Variants in TDRD3 observed in about 807,000 individuals in gnomAD.
The protein encoded by TDRD3 is tudor domain-containing protein 3.
TDRD3 carries 45 observed loss-of-function variants against 86.7 expected under a neutral mutation model. The observed-to-expected ratio is 0.52, with a 90% CI of 0.41 to 0.67. TDRD3 has a LOEUF of 0.67. Ranked by LOEUF, TDRD3 falls within the 30% of genes least tolerant of loss-of-function variation. TDRD3 has a pLI of 0.00. For synonymous variants in TDRD3, 298 were observed against 301.7 expected (o/e 0.99, Z 0.13); for missense variants, 814 against 889.0 (o/e 0.92, Z 1.07).
intron 2 of TDRD3, among the ~76,000 whole-genome samples, chr13:60,441,885 T>G (rs1260685835): frequency 6.6e-6 from 1 of 152,158 alleles, no homozygotes; most frequent in Non-Finnish European, 1.5e-5. Flanking sequence ...CCCGCAAAGG[T>G]ACCAGAATTT....
chr13:60,485,023 T>C (rs1956398186), intron 6 of TDRD3, among the ~76,000 whole-genome samples: 1 of 152,096 alleles, frequency 6.6e-6, no homozygotes, highest in Non-Finnish European at 1.5e-5. Flanking sequence ...AAAAAATTCT[T>C]GTATAGCATC....
intron 8 of TDRD3, among the ~76,000 whole-genome samples, chr13:60,508,382 C>T (rs1169527035): frequency 6.6e-6 from 1 of 152,152 alleles, no homozygotes; most frequent in Non-Finnish European, 1.5e-5. Context: ...TAAAAGGCTA[C>T]AGTAACCCAA....
Position 60,418,825 on chromosome 13 carries a change from C to G in TDRD3, c.42-20863C>G, listed in dbSNP as rs181024283. ...AATTGGATATTATAAAAATGGAAAC[C>G]TTATTTCTTCTGACATCTTAGAAGT... On this transcript the variant is annotated intron_variant, in intron 1 of 13. Coordinates refer to ENST00000377881, the MANE Select transcript of TDRD3 (RefSeq NM_001146070.2). Among the ~76,000 whole-genome samples the G allele has an allele frequency of 1.7e-3, 259 of 152,202 alleles. 1 individual carries two copies. Among genetic ancestry groups the G allele is most frequent in the Admixed American group, 3.1e-3 (48 of 15,294 alleles).
rs1311041500 is a variant in TDRD3 at position 60,485,890 on chromosome 13, A to G, written c.659A>G (p.Asn220Ser). 1 of 1,611,420 alleles carries G rather than the reference A, an allele frequency of 6.2e-7. No individual in the cohort carries two copies. ...VTMPVKPTNDNDEFEKQRTAA... is the reference protein window; with the variant it reads ...VTMPVKPTNDSDEFEKQRTAA... The stretch of plus-strand genomic sequence containing the variant: ...ATGCCTGTCAAACCTACAAATGATA[A>G]TGATGAATTTGAAAAGCAAAGGACG... Residue 220 changes from asparagine to serine, a missense_variant, in exon 7 of 14, where the codon AAT becomes AGT. Coordinates refer to ENST00000377881, the MANE Select transcript of TDRD3 (RefSeq NM_001146070.2).
chr13:60,425,797 A>G (rs548875990), intron 1 of TDRD3, among the ~76,000 whole-genome samples: 1 of 152,238 alleles, frequency 6.6e-6, no homozygotes, highest in Non-Finnish European at 1.5e-5. Context: ...CATGAAGACA[A>G]TGAGGATGAA....
At chr13:60,400,682 G>A (rs997113377) in intron 1 of TDRD3, among the ~76,000 whole-genome samples, 1 of 151,508 alleles carries the variant, frequency 6.6e-6, no homozygotes, top group Non-Finnish European at 1.5e-5. Flanking sequence ...AGGTTGCAGT[G>A]AGTCGAGATT....
intron 7 of TDRD3, among the ~76,000 whole-genome samples, chr13:60,487,462 G>C (rs1368198340): frequency 1.3e-5 from 2 of 152,008 alleles, no homozygotes; most frequent in Non-Finnish European, 2.9e-5. Context: ...GGCAATAAGA[G>C]TGAAACTCCA....
At chr13:60,536,016 G>T (rs750339291) in intron 12 of TDRD3, 1 of 151,982 alleles carries the variant, frequency 6.6e-6, no homozygotes, top group Non-Finnish European at 1.5e-5. Context: ...AAATATGTTG[G>T]TATTTTCCTA....
intron 3 of TDRD3, among the ~76,000 whole-genome samples, chr13:60,448,969 A>G (rs1017092173): frequency 2.0e-5 from 3 of 152,030 alleles, no homozygotes; most frequent in African/African-American, 7.2e-5. Flanking sequence ...TTCTGTGTTT[A>G]TTTTTTCTAA....
Position 60,397,422 on chromosome 13 carries a change from G to T in TDRD3, c.41+17G>T. 6.7e-7 allele frequency: 1 copy of T among 1,481,816 alleles called. No homozygotes were observed. Among genetic ancestry groups the T allele is most frequent in the East Asian group, 2.8e-5 (1 of 36,278 alleles). The allele number at this position is 1,481,816 out of a possible 1,614,324, so 91.8% of individuals were successfully genotyped here. ...GGCGGGTTGGTAAGTGGCGAGTCCC[G>T]CCGGCTGCCGGGCCGCGGGTGCGGG... is the stretch of plus-strand genomic sequence containing the variant. On this transcript the variant is annotated intron_variant, in intron 1 of 13. Transcript: ENST00000377881.
At chr13:60,530,448 T>A (rs887652620) in intron 11 of TDRD3, among the ~76,000 whole-genome samples, 3 of 109,592 alleles carry the variant, frequency 2.7e-5, no homozygotes, top group Admixed American at 9.2e-5. Context: ...TTTTAAATAA[T>A]TTTTTTTTTG....
chr13:60,486,314 T>A (rs887344697), intron 7 of TDRD3, among the ~76,000 whole-genome samples: 18 of 152,188 alleles, frequency 1.2e-4, no homozygotes, highest in African/African-American at 3.4e-4. Flanking sequence ...TTCCCCTTAT[T>A]AATAGCAACT....
chr13:60,546,379 T>C (rs1225682989), intron 12 of TDRD3, among the ~76,000 whole-genome samples: 1 of 152,110 alleles, frequency 6.6e-6, no homozygotes, highest in Non-Finnish European at 1.5e-5. Flanking sequence ...AGATGGGAAA[T>C]TAAAATATGT....
intron 4 of TDRD3, chr13:60,460,792 G>A (rs1955785912): frequency 4.0e-6 from 1 of 246,940 alleles, no homozygotes; most frequent in South Asian, 7.3e-5. Context: ...ATCACCCAAG[G>A]TCAGGAGTTC....
At chr13:60,427,323 A>G (rs184611887) in intron 1 of TDRD3, among the ~76,000 whole-genome samples, 346 of 151,812 alleles carry the variant, frequency 2.3e-3, no homozygotes, top group Middle Eastern at 0.017. Flanking sequence ...TTTGTAGTGC[A>G]TATTAATAGT....
intron 1 of TDRD3, among the ~76,000 whole-genome samples, chr13:60,437,075 G>C (rs879426651): frequency 7.0e-6 from 1 of 142,336 alleles, no homozygotes; most frequent in Non-Finnish European, 1.5e-5. Context: ...TTTTTAATGA[G>C]ATTATCATAT....
intron 1 of TDRD3, among the ~76,000 whole-genome samples, chr13:60,428,304 A>T (rs1189676260): frequency 6.6e-6 from 1 of 151,672 alleles, no homozygotes; most frequent in Non-Finnish European, 1.5e-5. Context: ...ATAAAGTAAC[A>T]TTCACAGATT....
At chr13:60,481,387 A>C (rs1452612123) in intron 5 of TDRD3, among the ~76,000 whole-genome samples, 1 of 144,674 alleles carries the variant, frequency 6.9e-6, no homozygotes, top group Admixed American at 7.0e-5. Flanking sequence ...AATTACACAT[A>C]CATTAGACTG....
chr13:60,546,918 C>T (rs1478720036), intron 12 of TDRD3, among the ~76,000 whole-genome samples: 10 of 151,954 alleles, frequency 6.6e-5, no homozygotes, highest in Non-Finnish European at 1.5e-4. Context: ...TTCAACATGT[C>T]GCACTGGCTA....
Sources: gnomAD v4.1 joint callset for allele counts (sites outside exome capture counted in the v4.1 genomes callset) on GRCh38, gnomAD v4.1.1 for gene constraint, MANE v1.5 for transcripts, NCBI Gene and HGNC (gene_info 2026-07-23, HGNC 2026-07-21) for gene names.